The following C12orf42 variants were observed in gnomAD, a reference collection of about 807,000 sequenced individuals.
The protein encoded by C12orf42 is uncharacterized protein C12orf42.
C12orf42 carries 25 observed loss-of-function variants against 21.6 expected under a neutral mutation model. That is an observed-to-expected ratio of 1.16 (90% CI 0.84 to 1.62). The LOEUF is 1.62. Ranked by LOEUF, C12orf42 falls within the 40% of genes most tolerant of loss-of-function variation. The pLI is 0.00. For missense variants in C12orf42, 483 were observed against 459.3 expected (o/e 1.05, Z -0.47); for synonymous variants, 174 against 175.0 (o/e 0.99, Z 0.05).
At chr12:103,095,155 T>G in the C12orf42 span, among the ~76,000 whole-genome samples, 1 of 152,148 alleles carries the variant, frequency 6.6e-6, no homozygotes, top group South Asian at 2.1e-4. Context: ...GATTGGTCCC[T>G]TCCCTCATAG....
Position 103,306,188 on chromosome 12 carries a change from C to T in C12orf42, c.417G>A (p.Glu139=). ...SSPAPSSETD[E]APLIFTARGE... ...CTCTGGCAGTAAAAATCAATGGGGC[C>T]TCATCAGTTTCACTGGATGGTGCTG... Residue 139 remains glutamate (E), a synonymous_variant, in exon 5 of 6, where the codon GAG becomes GAA. Coordinates refer to ENST00000548883, the MANE Select transcript of C12orf42 (RefSeq NM_198521.5). The T allele has an allele frequency of 6.2e-7, 1 of 1,613,940 alleles. No individual in the cohort carries two copies. The highest frequency in any genetic ancestry group is 2.2e-5 in the East Asian group (1 of 44,888).
chr12:103,271,204 G>A (rs2035454375), intron 5 of C12orf42, among the ~76,000 whole-genome samples: 1 of 152,144 alleles, frequency 6.6e-6, no homozygotes. Context: ...TACCCAAGGT[G>A]TGTCGTGTGC....
the C12orf42 span, among the ~76,000 whole-genome samples, chr12:103,059,962 T>A: frequency 6.6e-6 from 1 of 152,228 alleles, no homozygotes; most frequent in South Asian, 2.1e-4. Flanking sequence ...TTCAACATAG[T>A]ATTGGAAGTT....
At chr12:103,230,631 A>AC in the C12orf42 span, among the ~76,000 whole-genome samples, 1 of 152,158 alleles carries the variant, frequency 6.6e-6, no homozygotes, top group Non-Finnish European at 1.5e-5. Flanking sequence ...TCTGACCCCC[A>AC]CTACCACTGG....
chr12:103,176,599 T>C, the C12orf42 span, among the ~76,000 whole-genome samples: 1 of 152,196 alleles, frequency 6.6e-6, no homozygotes, highest in Non-Finnish European at 1.5e-5. Context: ...TTTTGTGGTA[T>C]CACTATTATC....
At chr12:103,118,772 TAAAAAAAAAAAAAAA>T in the C12orf42 span, among the ~76,000 whole-genome samples, 24 of 41,658 alleles carry the variant, frequency 5.8e-4, no homozygotes, top group South Asian at 0.015. Flanking sequence ...CACTCCAGCC[TAAAAAAAAAAAAAAA>T]AAAAAAAAAA....
downstream of C12orf42, among the ~76,000 whole-genome samples, chr12:103,301,349 TA>T: frequency 6.6e-6 from 1 of 152,260 alleles, no homozygotes; most frequent in African/African-American, 2.4e-5. Flanking sequence ...AAAACCCTAC[TA>T]TATTAAAAAG....
intron 2 of C12orf42, among the ~76,000 whole-genome samples, chr12:103,416,898 A>G (rs992958224): frequency 6.6e-6 from 1 of 152,304 alleles, no homozygotes; most frequent in Admixed American, 6.5e-5. Context: ...TGCACAAAAG[A>G]TATTATAACT....
the C12orf42 span, among the ~76,000 whole-genome samples, chr12:103,156,775 T>A: frequency 6.6e-6 from 1 of 152,208 alleles, no homozygotes; most frequent in Admixed American, 6.5e-5. Flanking sequence ...GGCTTCCAGC[T>A]TCATCCATGT....
intron 4 of C12orf42, among the ~76,000 whole-genome samples, chr12:103,325,818 G>A (rs577097300): frequency 6.6e-5 from 10 of 152,220 alleles, no homozygotes; most frequent in East Asian, 3.9e-4. Flanking sequence ...CCAACAGAAC[G>A]TGGCAGAAAT....
chr12:103,418,575 C>T (rs140262040), intron 2 of C12orf42, among the ~76,000 whole-genome samples: 2,687 of 151,796 alleles, frequency 0.018, 31 homozygotes, highest in Middle Eastern at 0.027. Flanking sequence ...GTGGTGGTCT[C>T]GGGTGGGATG....
chr12:103,102,656 G>T, the C12orf42 span, among the ~76,000 whole-genome samples: 1 of 152,182 alleles, frequency 6.6e-6, no homozygotes, highest in African/African-American at 2.4e-5. Context: ...AATAAGGCAG[G>T]TTGGACAGGC....
At chr12:103,539,770 G>A in the C12orf42 span, among the ~76,000 whole-genome samples, 2 of 151,828 alleles carry the variant, frequency 1.3e-5, no homozygotes, top group African/African-American at 2.4e-5. Context: ...TAGTAGAGAC[G>A]GGGTTTCACC....
the C12orf42 span, among the ~76,000 whole-genome samples, chr12:103,131,510 G>T: frequency 6.6e-6 from 1 of 152,136 alleles, no homozygotes; most frequent in African/African-American, 2.4e-5. Flanking sequence ...CCCTTTGACG[G>T]TTTTAATAGA....
At chr12:103,246,193 C>T (rs2136182006) in intron 10 of C12orf42, among the ~76,000 whole-genome samples, 2 of 152,146 alleles carry the variant, frequency 1.3e-5, no homozygotes, top group Non-Finnish European at 2.9e-5. Flanking sequence ...TTTTAAAATT[C>T]AAAACATGGA....
chr12:103,466,239 G>A (rs1953118980), intron 2 of C12orf42, among the ~76,000 whole-genome samples: 1 of 152,054 alleles, frequency 6.6e-6, no homozygotes, highest in South Asian at 2.1e-4. Context: ...GGCTTTTTTT[G>A]TTTGGTAAGC....
intron 3 of C12orf42, among the ~76,000 whole-genome samples, chr12:103,369,357 C>A (rs2044974471): frequency 1.3e-5 from 2 of 148,914 alleles, no homozygotes; most frequent in African/African-American, 5.0e-5. Context: ...CAAAAAAAAA[C>A]AAATATATCT....
intron 2 of C12orf42, among the ~76,000 whole-genome samples, chr12:103,418,845 T>TTG (rs957386923): frequency 5.9e-5 from 9 of 152,176 alleles, no homozygotes; most frequent in Admixed American, 5.9e-4. Flanking sequence ...TTTTTTTTTT[T>TTG]TTGGTAGCCA....
intron 1 of C12orf42, among the ~76,000 whole-genome samples, chr12:103,484,453 A>T (rs1954681346): frequency 6.6e-6 from 1 of 152,194 alleles, no homozygotes; most frequent in Non-Finnish European, 1.5e-5. Flanking sequence ...GGCTGCATAA[A>T]TGTCTTCTTT....
Sources: gnomAD v4.1 joint callset for allele counts (sites outside exome capture counted in the v4.1 genomes callset) on GRCh38, gnomAD v4.1.1 for gene constraint, MANE v1.5 for transcripts, NCBI Gene and HGNC (gene_info 2026-07-23, HGNC 2026-07-21) for gene names.